Variants in GNAQ observed in about 807,000 individuals in gnomAD.
GNAQ encodes G protein subunit alpha q, also known as guanine nucleotide-binding protein G(q) subunit alpha.
GNAQ carries 8 observed loss-of-function variants against 43.9 expected under a neutral mutation model. The ratio of observed to expected loss-of-function variants is 0.18; its 90% CI spans 0.11 to 0.33. The LOEUF (loss-of-function observed/expected upper bound fraction) is 0.33, where lower values mean the gene tolerates loss of function less well. Among genes scored for constraint, GNAQ ranks in the 10% least tolerant of loss-of-function variants. The pLI, the probability that GNAQ is intolerant of heterozygous loss-of-function variation, is 1.00. For missense variants in GNAQ, 158 were observed against 450.8 expected (o/e 0.35, Z 5.88); for synonymous variants, 155 against 170.7 (o/e 0.91, Z 0.71).
At chr9:77,755,291 A>T (rs1174213585) in intron 5 of GNAQ, among the ~76,000 whole-genome samples, 7 of 152,232 alleles carry the variant, frequency 4.6e-5, no homozygotes, top group African/African-American at 1.7e-4. Flanking sequence ...GATAAAACGA[A>T]TAAGATCTAG....
intron 2 of GNAQ, among the ~76,000 whole-genome samples, chr9:77,869,766 T>C (rs1443682573): frequency 1.3e-5 from 2 of 152,180 alleles, no homozygotes; most frequent in African/African-American, 2.4e-5. Flanking sequence ...GCCCTGCCTA[T>C]AGTCAAACCC....
At chr9:77,843,657 CT>C (rs1276483013) in intron 2 of GNAQ, among the ~76,000 whole-genome samples, 3 of 152,294 alleles carry the variant, frequency 2.0e-5, no homozygotes, top group South Asian at 2.1e-4. Flanking sequence ...ACCATTTATT[CT>C]GAAATTGGCT....
At chr9:77,834,914 G>A (rs2118561789) in intron 2 of GNAQ, among the ~76,000 whole-genome samples, 1 of 152,220 alleles carries the variant, frequency 6.6e-6, no homozygotes, top group South Asian at 2.1e-4. Flanking sequence ...CATAGCCAAG[G>A]GCTGTCACCA....
At chr9:77,753,385 A>G (rs1825848331) in intron 5 of GNAQ, among the ~76,000 whole-genome samples, 1 of 152,250 alleles carries the variant, frequency 6.6e-6, no homozygotes, top group Non-Finnish European at 1.5e-5. Context: ...TACGTCTATC[A>G]GCATCTAACA....
At position 77,862,008 on chromosome 9, in the gene GNAQ, T is replaced by TAAAA. The variant is rs56145947; in HGVS notation, c.322-46242_322-46239dup. Among the ~76,000 whole-genome samples, 6 of 118,098 alleles carry TAAAA rather than the reference T, an allele frequency of 5.1e-5. No homozygotes were observed. In the South Asian group the frequency reaches 1.1e-3, roughly 21 times the overall value. The allele number at this position is 118,098 out of a possible 152,430, so 77.5% of individuals were successfully genotyped here. On this transcript the variant is annotated intron_variant, in intron 2 of 6. Coordinates refer to ENST00000286548, the MANE Select transcript of GNAQ (RefSeq NM_002072.5). ...GGACAGAGCAAGACTCTGTCTGGGG[T>TAAAA]AAAAAAAAAAAAAAAAAAAAAAAGA... is the stretch of plus-strand genomic sequence containing the variant.
At chr9:77,760,649 C>T (rs1378739249) in intron 5 of GNAQ, among the ~76,000 whole-genome samples, 2 of 152,250 alleles carry the variant, frequency 1.3e-5, no homozygotes, top group African/African-American at 2.4e-5. Context: ...AAGTGAGGAG[C>T]GTCTCTGCCT....
intron 5 of GNAQ, among the ~76,000 whole-genome samples, chr9:77,732,837 TGA>T (rs1366052039): frequency 2.6e-5 from 4 of 151,914 alleles, no homozygotes; most frequent in Admixed American, 2.0e-4. Flanking sequence ...TTGGTGCAGG[TGA>T]GAGAGCTGGA....
At chr9:77,835,026 CCA>C (rs1363700579) in intron 2 of GNAQ, among the ~76,000 whole-genome samples, 1 of 152,054 alleles carries the variant, frequency 6.6e-6, no homozygotes, top group Non-Finnish European at 1.5e-5. Context: ...ATGCCTGAAA[CCA>C]CAGACAGTAC....
chr9:77,977,252 C>T (rs540140042), intron 1 of GNAQ, among the ~76,000 whole-genome samples: 4 of 152,124 alleles, frequency 2.6e-5, no homozygotes. Flanking sequence ...CTCCACACTC[C>T]ATTCCCCACC....
At chr9:77,803,125 T>C (rs1013777626) in intron 3 of GNAQ, among the ~76,000 whole-genome samples, 11 of 152,130 alleles carry the variant, frequency 7.2e-5, no homozygotes, top group African/African-American at 2.7e-4. Flanking sequence ...AGTGCTGTAG[T>C]GGTTAGAAAG....
chr9:78,016,580 G>C (rs1274998376), intron 1 of GNAQ, among the ~76,000 whole-genome samples: 1 of 152,034 alleles, frequency 6.6e-6, no homozygotes, highest in Admixed American at 6.5e-5. Flanking sequence ...ACTCGGGAGG[G>C]CTGAGGCAGG....
At chr9:78,019,426 T>G (rs1451209154) in intron 1 of GNAQ, among the ~76,000 whole-genome samples, 1 of 152,216 alleles carries the variant, frequency 6.6e-6, no homozygotes, top group Non-Finnish European at 1.5e-5. Context: ...AGAGCCAAAC[T>G]TGACTCCAAT....
At chr9:77,990,885 G>C (rs554432407) in intron 1 of GNAQ, among the ~76,000 whole-genome samples, 1 of 152,140 alleles carries the variant, frequency 6.6e-6, no homozygotes, top group Non-Finnish European at 1.5e-5. Context: ...CATGACCTAA[G>C]AATGCTTTCC....
intron 5 of GNAQ, among the ~76,000 whole-genome samples, chr9:77,783,848 C>T (rs1260789408): frequency 6.6e-6 from 1 of 152,090 alleles, no homozygotes; most frequent in Non-Finnish European, 1.5e-5. Context: ...GAGAGGATCA[C>T]TGGAGCCTAG....
At chr9:78,027,920 T>C in intron 1 of GNAQ, among the ~76,000 whole-genome samples, 1 of 152,110 alleles carries the variant, frequency 6.6e-6, no homozygotes, top group East Asian at 1.9e-4. Flanking sequence ...AAATGTTTCT[T>C]CTAGGAACTG....
intron 5 of GNAQ, among the ~76,000 whole-genome samples, chr9:77,730,749 T>C (rs752059174): frequency 2.0e-5 from 3 of 152,250 alleles, no homozygotes; most frequent in African/African-American, 7.2e-5. Context: ...TTATTGTCTA[T>C]AGGCCTTTTA....
At chr9:77,980,134 A>AAC (rs2118491572) in intron 1 of GNAQ, among the ~76,000 whole-genome samples, 1 of 152,302 alleles carries the variant, frequency 6.6e-6, no homozygotes, top group South Asian at 2.1e-4. Flanking sequence ...TCAAGCCTTG[A>AAC]AAGAGTTACT....
chr9:77,997,550 G>A lies in GNAQ; in HGVS notation c.136+33550C>T, dbSNP rs144852586. The stretch of plus-strand genomic sequence containing the variant: ...CAGGTGCAAGTAAAGTCAGGTACAG[G>A]TGCCGGTAAGTCAGGCGAGGTGATC... On this transcript the variant is annotated intron_variant, in intron 1 of 6. Coordinates refer to ENST00000286548, the MANE Select transcript of GNAQ (RefSeq NM_002072.5). Among the ~76,000 whole-genome samples the A allele has an allele frequency of 1.2e-3, 177 of 152,238 alleles. 2 individuals carry two copies. Among genetic ancestry groups the A allele is most frequent in the African/African-American group, 4.0e-3 (168 of 41,512 alleles).
intron 1 of GNAQ, among the ~76,000 whole-genome samples, chr9:78,002,623 C>T (rs1823657801): frequency 6.6e-6 from 1 of 152,176 alleles, no homozygotes; most frequent in Non-Finnish European, 1.5e-5. Context: ...ATTCCCTAAC[C>T]ACACTGACCC....
Sources: gnomAD v4.1 joint callset for allele counts (sites outside exome capture counted in the v4.1 genomes callset) on GRCh38, gnomAD v4.1.1 for gene constraint, MANE v1.5 for transcripts, NCBI Gene and HGNC (gene_info 2026-07-23, HGNC 2026-07-21) for gene names.